PIR: variants seen among roughly 807,000 people sequenced by gnomAD.
The protein encoded by PIR is pirin.
In PIR, 22 loss-of-function variants were observed where a neutral mutation model predicts 24.2. The observed-to-expected ratio is 0.91, with a 90% confidence interval of 0.65 to 1.30. The LOEUF (loss-of-function observed/expected upper bound fraction) is 1.30, where lower values mean the gene tolerates loss of function less well. PIR is among the 50% of genes most tolerant of loss of function. The probability of loss-of-function intolerance (pLI) is 0.00; values close to 1 mark genes in which losing one functional copy is unlikely to be tolerated. For missense variants in PIR, 220 were observed against 220.3 expected, an observed-to-expected ratio of 1.00 and a Z score of 0.01; for synonymous variants, 80 against 79.6, an observed-to-expected ratio of 1.00 and a Z score of -0.03.
intron 6 of PIR, among the ~76,000 whole-genome samples, chrX:15,416,859 C>G (rs1924937152): frequency 8.9e-6 from 1 of 112,042 alleles, no homozygotes; most frequent in African/African-American, 3.2e-5. Flanking sequence ...TGCCAGCAAC[C>G]ACATGAGTGT....
At chrX:15,421,821 C>T (rs2147028294) in intron 6 of PIR, among the ~76,000 whole-genome samples, 1 of 111,267 alleles carries the variant, frequency 9.0e-6, no homozygotes, top group Admixed American at 9.6e-5. Context: ...GATACCAAAA[C>T]CAGACAAGAA....
chrX:15,480,115 C>T (rs5935987), intron 2 of PIR, among the ~76,000 whole-genome samples: 46,772 of 108,645 alleles, frequency 0.43, 7,422 homozygotes, highest in East Asian at 0.46. Flanking sequence ...GTTCTTGTGA[C>T]AGTGAATGGG....
At chrX:15,387,832 C>A (rs1159553504) in intron 9 of PIR, among the ~76,000 whole-genome samples, 3 of 111,582 alleles carry the variant, frequency 2.7e-5, no homozygotes, top group Non-Finnish European at 5.6e-5. Context: ...TTATAACGTG[C>A]ACATGAATCA....
intron 3 of PIR, among the ~76,000 whole-genome samples, chrX:15,463,880 AT>A (rs1921424664): frequency 1.8e-5 from 2 of 112,691 alleles, no homozygotes; most frequent in South Asian, 7.3e-4. Context: ...TGGATGAAGG[AT>A]TTAAATGCAA....
intron 5 of PIR, among the ~76,000 whole-genome samples, chrX:15,443,905 A>C (rs1926003471): frequency 8.9e-6 from 1 of 112,559 alleles, no homozygotes; most frequent in Non-Finnish European, 1.9e-5. Context: ...AAACTTCATT[A>C]GATGAGGAGA....
chrX:15,475,327 G>A (rs1218109674), intron 3 of PIR, among the ~76,000 whole-genome samples: 1 of 111,678 alleles, frequency 9.0e-6, no homozygotes, highest in Non-Finnish European at 1.9e-5. Context: ...AGAACTTGCT[G>A]AGGCTTGTAG....
intron 5 of PIR, among the ~76,000 whole-genome samples, chrX:15,438,755 C>T (rs774671334): frequency 1.5e-4 from 17 of 111,284 alleles, no homozygotes; most frequent in Non-Finnish European, 2.5e-4. Flanking sequence ...ATTGTCCTCT[C>T]AGTGGTGGGA....
intron 9 of PIR, among the ~76,000 whole-genome samples, chrX:15,389,128 A>G (rs1490277389): frequency 2.8e-4 from 31 of 111,743 alleles, no homozygotes; most frequent in Admixed American, 2.8e-3. Context: ...CATCTCACAC[A>G]TGTTTTTCCC....
chrX:15,454,473 T>TAA (rs56248489), intron 5 of PIR, among the ~76,000 whole-genome samples: 1 of 88,354 alleles, frequency 1.1e-5, no homozygotes, highest in Admixed American at 1.2e-4. Context: ...AGGGTACAGG[T>TAA]AAAAAAAAAA....
chrX:15,444,956 G>A (rs867404308), intron 5 of PIR, among the ~76,000 whole-genome samples: 29 of 111,712 alleles, frequency 2.6e-4, no homozygotes, highest in African/African-American at 8.5e-4. Flanking sequence ...GAGACAGGGT[G>A]GAAAGGCCCA....
At chrX:15,428,799 G>A (rs747036131) in intron 5 of PIR, among the ~76,000 whole-genome samples, 11 of 111,548 alleles carry the variant, frequency 9.9e-5, no homozygotes, top group Admixed American at 2.8e-4. Flanking sequence ...GTGAGCCACC[G>A]TGCCCAGCTA....
intron 8 of PIR, among the ~76,000 whole-genome samples, chrX:15,391,918 A>T: frequency 8.9e-6 from 1 of 111,800 alleles, no homozygotes; most frequent in East Asian, 2.8e-4. Flanking sequence ...TTGGCATTCC[A>T]GATTAACTGG....
Position 15,397,529 on chromosome X carries a change from G to C in PIR, c.613C>G (p.Pro205Ala). 1 of 1,193,425 alleles carries C rather than the reference G, an allele frequency of 8.4e-7. No individual in the cohort carries two copies. Among genetic ancestry groups the C allele is most frequent in the Non-Finnish European group, 1.1e-6 (1 of 879,013 alleles). Residue 205 changes from proline (P) to alanine (A), a missense_variant and splice_region_variant, in exon 8 of 10, where the codon CCC becomes GCC. Transcript: ENST00000380420. ...YTISGDVYIGPDDAQQKIEPH... is the reference protein window; with the variant it reads ...YTISGDVYIGADDAQQKIEPH... ...TCTATTTTTTGTTGTGCATCATCGG[G>C]CCCTACAAAACCAATGACACACTAA...
chrX:15,418,556 T>C (rs1426635996), intron 6 of PIR, among the ~76,000 whole-genome samples: 2 of 112,174 alleles, frequency 1.8e-5, no homozygotes, highest in East Asian at 5.5e-4. Context: ...ATTAGATTCT[T>C]TGTAAGTGAT....
At chrX:15,404,179 T>A (rs1041485712) in intron 7 of PIR, among the ~76,000 whole-genome samples, 1 of 110,424 alleles carries the variant, frequency 9.1e-6, no homozygotes, top group African/African-American at 3.3e-5. Flanking sequence ...TTTGTATTTT[T>A]ACTGGAGACA....
At chrX:15,386,892 A>AACCCTT (rs1208739979) in intron 9 of PIR, among the ~76,000 whole-genome samples, 1 of 109,688 alleles carries the variant, frequency 9.1e-6, no homozygotes, top group Non-Finnish European at 1.9e-5. Flanking sequence ...GGAGTAATAT[A>AACCCTT]ATATGATTTA....
At chrX:15,436,872 T>C (rs1925766537) in intron 5 of PIR, among the ~76,000 whole-genome samples, 1 of 112,214 alleles carries the variant, frequency 8.9e-6, no homozygotes, top group African/African-American at 3.2e-5. Context: ...AGGGGGAATT[T>C]ATTATGGTCT....
At chrX:15,404,479 G>A (rs752987463) in intron 7 of PIR, among the ~76,000 whole-genome samples, 6 of 111,824 alleles carry the variant, frequency 5.4e-5, no homozygotes, top group Admixed American at 9.5e-5. Flanking sequence ...ATTCCAGCCC[G>A]ATACACCAAG....
At chrX:15,424,040 C>A (rs747162702) in intron 6 of PIR, among the ~76,000 whole-genome samples, 1 of 112,202 alleles carries the variant, frequency 8.9e-6, no homozygotes, top group South Asian at 3.7e-4. Flanking sequence ...CATAGAACTA[C>A]CATATAATCC....
Sources: gnomAD v4.1 joint callset for allele counts (sites outside exome capture counted in the v4.1 genomes callset) on GRCh38, gnomAD v4.1.1 for gene constraint, MANE v1.5 for transcripts, NCBI Gene and HGNC (gene_info 2026-07-23, HGNC 2026-07-21) for gene names.